Variants in GABRB1 observed in about 807,000 individuals in gnomAD.
The protein encoded by GABRB1 is gamma-aminobutyric acid receptor subunit beta-1.
In GABRB1, 17 loss-of-function variants were observed where a neutral mutation model predicts 51.6. That is an observed-to-expected ratio of 0.33 (90% CI 0.23 to 0.49). GABRB1 has a LOEUF of 0.49. GABRB1 is among the 20% of genes least tolerant of loss of function. GABRB1 has a pLI of 0.99. For synonymous variants in GABRB1, 247 were observed against 218.9 expected, an observed-to-expected ratio of 1.13 and a Z score of -1.14; for missense variants, 410 against 600.6, an observed-to-expected ratio of 0.68 and a Z score of 3.32.
chr4:47,350,932 A>C lies in GABRB1; in HGVS notation c.544+30723A>C, dbSNP rs1411224239. On this transcript the variant is annotated intron_variant, in intron 5 of 8. Transcript: ENST00000295454. ...GGATGCCCAACTGAGAGGCTTTCACAGATAATTTCCTCAATAATGGTTTGT... is the reference window on the plus strand; with the variant it reads ...GGATGCCCAACTGAGAGGCTTTCACCGATAATTTCCTCAATAATGGTTTGT... Among the ~76,000 whole-genome samples, 5 of 152,246 alleles carry C rather than the reference A, an allele frequency of 3.3e-5. No individual in the cohort carries two copies. The East Asian group carries it at 9.6e-4, about 29-fold the overall frequency.
chr4:47,010,876 G>A (rs1724561271), intron 1 of GABRB1, among the ~76,000 whole-genome samples: 1 of 152,112 alleles, frequency 6.6e-6, no homozygotes, highest in African/African-American at 2.4e-5. Context: ...ACTATTTGAA[G>A]AGCTCCTGGA....
chr4:47,108,582 A>C (rs113279387), intron 3 of GABRB1, among the ~76,000 whole-genome samples: 41 of 152,180 alleles, frequency 2.7e-4, no homozygotes, highest in African/African-American at 9.6e-4. Context: ...CTTCCACCTA[A>C]TCAAGTTTTA....
rs956715063 is a variant in GABRB1 at position 47,049,910 on chromosome 4, A to G, written c.240+17426A>G. On this transcript the variant is annotated intron_variant, in intron 3 of 8. Transcript: ENST00000295454. ...GAGATCACTAAATTCTGCTGCTGCC[A>G]TTACAGACTTTCACATTTACTCTTT... 6.6e-5 allele frequency among the ~76,000 whole-genome samples: 10 copies of G among 152,212 alleles called. No individual in the cohort carries two copies. In the East Asian group the frequency reaches 1.9e-3, roughly 29 times the overall value.
chr4:47,323,974 C>A (rs7660843), intron 5 of GABRB1, among the ~76,000 whole-genome samples: 60,964 of 151,762 alleles, frequency 0.4, 12,342 homozygotes, highest in East Asian at 0.59. Flanking sequence ...AAATCAATAG[C>A]AGTATCATGT....
Position 47,259,897 on chromosome 4 carries a change from C to T in GABRB1, c.462-60230C>T, listed in dbSNP as rs113888214. On this transcript the variant is annotated intron_variant, in intron 4 of 8. Coordinates refer to ENST00000295454, the MANE Select transcript of GABRB1 (RefSeq NM_000812.4). ...AATAATGGAAAAGAGCTTTCTGTCT[C>T]GTTGATCTGTCTGATGTTGACAGTG... Among the ~76,000 whole-genome samples the T allele has an allele frequency of 9.3e-3, 1,408 of 152,194 alleles. 22 individuals are homozygous for T. The highest frequency in any genetic ancestry group is 0.032 in the African/African-American group (1,350 of 41,542).
At chr4:47,384,696 G>T (rs1419310797) in intron 5 of GABRB1, among the ~76,000 whole-genome samples, 1 of 152,140 alleles carries the variant, frequency 6.6e-6, no homozygotes, top group African/African-American at 2.4e-5. Flanking sequence ...GTACATTTAA[G>T]TTAGCTAGAT....
At chr4:47,337,239 TC>T (rs955461008) in intron 5 of GABRB1, among the ~76,000 whole-genome samples, 1 of 151,682 alleles carries the variant, frequency 6.6e-6, no homozygotes, top group East Asian at 1.9e-4. Context: ...CAAGACTCCA[TC>T]CCCCCATCCC....
chr4:47,045,385 A>T (rs1002342704), intron 3 of GABRB1, among the ~76,000 whole-genome samples: 2 of 152,036 alleles, frequency 1.3e-5, no homozygotes, highest in African/African-American at 2.4e-5. Context: ...TAGTTCCCTG[A>T]CCCTGAGTAG....
At chr4:47,215,337 C>G (rs1348822948) in intron 4 of GABRB1, among the ~76,000 whole-genome samples, 1 of 152,080 alleles carries the variant, frequency 6.6e-6, no homozygotes. Flanking sequence ...GAGTTGTATT[C>G]AGTATTGCTG....
intron 4 of GABRB1, among the ~76,000 whole-genome samples, chr4:47,229,976 A>C (rs11937423): frequency 0.015 from 2,344 of 152,292 alleles, 25 homozygotes; most frequent in Non-Finnish European, 0.025. Flanking sequence ...ATTTGTTGCA[A>C]TAGCAAATAG....
intron 4 of GABRB1, among the ~76,000 whole-genome samples, chr4:47,162,760 T>A (rs1395369633): frequency 2.0e-5 from 3 of 152,058 alleles, no homozygotes; most frequent in Non-Finnish European, 4.4e-5. Flanking sequence ...CACTTAGAAG[T>A]CAACTCCTAT....
At chr4:47,335,929 C>T (rs1560339163) in intron 5 of GABRB1, among the ~76,000 whole-genome samples, 1 of 152,114 alleles carries the variant, frequency 6.6e-6, no homozygotes, top group Non-Finnish European at 1.5e-5. Flanking sequence ...AAAGATGACA[C>T]TGGACACCAG....
chr4:47,322,110 T>C (rs143502507), intron 5 of GABRB1, among the ~76,000 whole-genome samples: 19 of 152,274 alleles, frequency 1.2e-4, no homozygotes, highest in African/African-American at 4.3e-4. Flanking sequence ...AGAAATTAAA[T>C]GTAACTTTTG....
intron 5 of GABRB1, among the ~76,000 whole-genome samples, chr4:47,362,070 A>C (rs745934755): frequency 6.6e-6 from 1 of 152,154 alleles, no homozygotes; most frequent in Admixed American, 6.5e-5. Flanking sequence ...GTCTGCAAAG[A>C]ATTGTGACAA....
intron 1 of GABRB1, among the ~76,000 whole-genome samples, chr4:47,008,935 C>T (rs1464584285): frequency 1.6e-5 from 2 of 126,022 alleles, no homozygotes; most frequent in East Asian, 5.1e-4. Context: ...GTGATCTCAG[C>T]TCACTGCAAG....
rs1036640663 is a variant in GABRB1 at position 47,273,366 on chromosome 4, T to A, written c.462-46761T>A. ...CTCAGATTTGTTCTTAAGCTTGGAGTCAGACATTTCTCTGGGTAGTTTATT... is the reference window on the plus strand; with the variant it reads ...CTCAGATTTGTTCTTAAGCTTGGAGACAGACATTTCTCTGGGTAGTTTATT... On this transcript the variant is annotated intron_variant, in intron 4 of 8. Transcript: ENST00000295454. Among the ~76,000 whole-genome samples the A allele has an allele frequency of 9.9e-5, 15 of 152,182 alleles. No homozygotes were observed. The South Asian group carries it at 1.5e-3, about 15-fold the overall frequency.
intron 3 of GABRB1, among the ~76,000 whole-genome samples, chr4:47,045,553 C>T (rs1577855871): frequency 6.6e-6 from 1 of 151,818 alleles, no homozygotes; most frequent in African/African-American, 2.4e-5. Flanking sequence ...AGACATTTAT[C>T]TCTCAGTTCT....
chr4:47,187,823 T>C (rs979436889), intron 4 of GABRB1, among the ~76,000 whole-genome samples: 2 of 151,932 alleles, frequency 1.3e-5, no homozygotes, highest in African/African-American at 4.8e-5. Context: ...AAGACTTTGT[T>C]GTTCATACAT....
intron 4 of GABRB1, among the ~76,000 whole-genome samples, chr4:47,215,046 A>G (rs1243245899): frequency 6.6e-6 from 1 of 151,978 alleles, no homozygotes; most frequent in Non-Finnish European, 1.5e-5. Context: ...TAGTGTCGGT[A>G]TGGCCATGGG....
Sources: gnomAD v4.1 joint callset for allele counts (sites outside exome capture counted in the v4.1 genomes callset) on GRCh38, gnomAD v4.1.1 for gene constraint, MANE v1.5 for transcripts, NCBI Gene and HGNC (gene_info 2026-07-23, HGNC 2026-07-21) for gene names.